Variants in SHISA9 observed in about 807,000 individuals in gnomAD.
SHISA9 encodes the protein shisa family member 9, also known as protein shisa-9.
A neutral mutation model predicts 38.0 loss-of-function variants in SHISA9; 13 were observed. The observed-to-expected ratio is 0.34, with a 90% confidence interval of 0.22 to 0.54. The LOEUF is 0.54. Among genes scored for constraint, SHISA9 ranks in the 20% least tolerant of loss-of-function variants. The pLI, the probability that SHISA9 is intolerant of heterozygous loss-of-function variation, is 0.91. For synonymous variants in SHISA9, 275 were observed against 242.0 expected (o/e 1.14, Z -1.27); for missense variants, 538 against 575.8 (o/e 0.93, Z 0.67).
At chr16:13,492,716 A>G in the SHISA9 span, among the ~76,000 whole-genome samples, 1 of 152,208 alleles carries the variant, frequency 6.6e-6, no homozygotes, top group Non-Finnish European at 1.5e-5. Flanking sequence ...ATCACAAACA[A>G]TACTTTGGTT....
At chr16:13,390,759 G>A in the SHISA9 span, among the ~76,000 whole-genome samples, 2 of 152,186 alleles carry the variant, frequency 1.3e-5, no homozygotes, top group South Asian at 4.1e-4. Context: ...AGCACGCTGG[G>A]TGACACCACA....
chr16:12,970,297 A>G (rs1201275647), intron 2 of SHISA9, among the ~76,000 whole-genome samples: 1 of 134,908 alleles, frequency 7.4e-6, no homozygotes, highest in Non-Finnish European at 1.6e-5. Flanking sequence ...ATGAAAGTGG[A>G]CCCCTATCTC....
chr16:13,061,594 A>G (rs1055759810), intron 2 of SHISA9, among the ~76,000 whole-genome samples: 1 of 152,180 alleles, frequency 6.6e-6, no homozygotes, highest in Non-Finnish European at 1.5e-5. Context: ...ATATGTATTG[A>G]GGACCTAGTA....
At chr16:13,131,523 A>G (rs1405322901) in intron 2 of SHISA9, among the ~76,000 whole-genome samples, 1 of 152,172 alleles carries the variant, frequency 6.6e-6, no homozygotes, top group African/African-American at 2.4e-5. Context: ...GCTGGGGTTA[A>G]TACCAAGGTG....
At chr16:13,411,282 G>T in the SHISA9 span, among the ~76,000 whole-genome samples, 1 of 152,188 alleles carries the variant, frequency 6.6e-6, no homozygotes, top group Admixed American at 6.5e-5. Flanking sequence ...TGATGATTAG[G>T]AGCCCAAATT....
the SHISA9 span, among the ~76,000 whole-genome samples, chr16:13,290,535 C>T: frequency 2.0e-5 from 3 of 152,248 alleles, no homozygotes; most frequent in African/African-American, 4.8e-5. Flanking sequence ...TGTCGTGTTT[C>T]CTGTTATCCA....
At chr16:13,457,491 C>G in the SHISA9 span, among the ~76,000 whole-genome samples, 1 of 151,968 alleles carries the variant, frequency 6.6e-6, no homozygotes, top group Non-Finnish European at 1.5e-5. Flanking sequence ...CCCATAGCAC[C>G]ACCTATATAG....
chr16:13,084,172 G>A (rs1172963573), intron 2 of SHISA9, among the ~76,000 whole-genome samples: 2 of 152,144 alleles, frequency 1.3e-5, no homozygotes, highest in African/African-American at 2.4e-5. Flanking sequence ...AGGAACCTGA[G>A]GGCCAGAAAA....
At chr16:13,248,306 AGCC>A in the SHISA9 span, among the ~76,000 whole-genome samples, 1 of 152,204 alleles carries the variant, frequency 6.6e-6, no homozygotes, top group South Asian at 2.1e-4. Flanking sequence ...ACGATGTGCC[AGCC>A]ATGGTGCCGG....
At chr16:13,396,294 G>C in the SHISA9 span, among the ~76,000 whole-genome samples, 1 of 152,194 alleles carries the variant, frequency 6.6e-6, no homozygotes, top group Non-Finnish European at 1.5e-5. Context: ...ATCACTTGAG[G>C]TCAGGAGTTT....
chr16:13,304,352 C>T, the SHISA9 span, among the ~76,000 whole-genome samples: 1 of 152,230 alleles, frequency 6.6e-6, no homozygotes, highest in African/African-American at 2.4e-5. Flanking sequence ...TCAATCTCCC[C>T]AGGCTCAGGT....
chr16:13,076,499 G>A (rs1259285479), intron 2 of SHISA9, among the ~76,000 whole-genome samples: 1 of 151,720 alleles, frequency 6.6e-6, no homozygotes, highest in Non-Finnish European at 1.5e-5. Context: ...CCCACCCTCT[G>A]TCTTGCACAC....
chr16:13,367,703 C>CGT, the SHISA9 span, among the ~76,000 whole-genome samples: 15,408 of 119,834 alleles, frequency 0.13, 1,126 homozygotes, highest in East Asian at 0.33. Flanking sequence ...TGCGTGCGCG[C>CGT]GCGCGCGCGC....
intron 2 of SHISA9, among the ~76,000 whole-genome samples, chr16:12,930,858 A>C (rs2071452614): frequency 6.6e-6 from 1 of 152,194 alleles, no homozygotes; most frequent in African/African-American, 2.4e-5. Context: ...AAGGGAAAAA[A>C]ACCCATAACA....
At chr16:13,545,044 C>A in the SHISA9 span, among the ~76,000 whole-genome samples, 3 of 152,164 alleles carry the variant, frequency 2.0e-5, no homozygotes, top group African/African-American at 7.2e-5. Context: ...AACATCAGAA[C>A]CACTATTTGT....
chr16:13,263,682 A>C, the SHISA9 span, among the ~76,000 whole-genome samples: 1 of 152,184 alleles, frequency 6.6e-6, no homozygotes. Context: ...GAACAGACTA[A>C]TACAGTCAGG....
the SHISA9 span, among the ~76,000 whole-genome samples, chr16:13,511,122 TAAATC>T: frequency 6.6e-6 from 1 of 152,192 alleles, no homozygotes; most frequent in African/African-American, 2.4e-5. Context: ...TAACTACTAA[TAAATC>T]AATTAATTAA....
intron 2 of SHISA9, among the ~76,000 whole-genome samples, chr16:13,070,978 C>T (rs2073506775): frequency 6.6e-6 from 1 of 152,154 alleles, no homozygotes; most frequent in Admixed American, 6.5e-5. Context: ...TATCCTTGAC[C>T]TGCCTGGTTC....
the SHISA9 span, among the ~76,000 whole-genome samples, chr16:13,481,952 GA>G: frequency 6.6e-6 from 1 of 152,174 alleles, no homozygotes; most frequent in Non-Finnish European, 1.5e-5. Flanking sequence ...AATGTTTTCT[GA>G]ACACTTATTA....
Sources: allele counts gnomAD v4.1 joint callset (sites outside exome capture counted in the v4.1 genomes callset), GRCh38; gene constraint gnomAD v4.1.1; transcripts MANE v1.5; gene names NCBI Gene and HGNC (gene_info 2026-07-23, HGNC 2026-07-21).